Variants in IL21R observed in about 807,000 individuals in gnomAD.
IL21R encodes the protein interleukin-21 receptor.
Under a neutral mutation model 41.3 loss-of-function variants are expected in IL21R, and 14 were observed. The observed-to-expected ratio is 0.34, with a 90% CI of 0.22 to 0.53. IL21R has a LOEUF of 0.53. Among genes scored for constraint, IL21R ranks in the 20% least tolerant of loss-of-function variants. IL21R has a pLI of 0.94. For missense variants in IL21R, 588 were observed against 681.6 expected (o/e 0.86, Z 1.53); for synonymous variants, 286 against 287.6 (o/e 0.99, Z 0.05).
chr16:27,436,417 G>GGA (rs1297934730), intron 3 of IL21R, among the ~76,000 whole-genome samples: 1 of 152,198 alleles, frequency 6.6e-6, no homozygotes, highest in African/African-American at 2.4e-5. Flanking sequence ...CAGTGTGGCT[G>GGA]GAGTGGAGTG....
intron 4 of IL21R, among the ~76,000 whole-genome samples, chr16:27,442,056 G>T (rs2087396961): frequency 6.6e-6 from 1 of 152,174 alleles, no homozygotes; most frequent in African/African-American, 2.4e-5. Context: ...AATTCCAGGG[G>T]TCTCCCGTTT....
At chr16:27,440,238 T>G (rs1316817674) in intron 4 of IL21R, among the ~76,000 whole-genome samples, 21 of 87,972 alleles carry the variant, frequency 2.4e-4, no homozygotes, top group Middle Eastern at 5.2e-3. Flanking sequence ...TATATATATA[T>G]ATATATATAT....
At chr16:27,434,827 T>G (rs939315572) in intron 3 of IL21R, among the ~76,000 whole-genome samples, 4 of 152,180 alleles carry the variant, frequency 2.6e-5, no homozygotes. Flanking sequence ...GCAACTTGCC[T>G]AAGGTCACAC....
chr16:27,440,289 C>CGT (rs1231804756), intron 4 of IL21R, among the ~76,000 whole-genome samples: 3 of 120,888 alleles, frequency 2.5e-5, no homozygotes, highest in African/African-American at 1.1e-4. Flanking sequence ...AGCGAGCAAG[C>CGT]GCGCGCCAGG....
At chr16:27,432,383 G>A (rs898988752) in intron 2 of IL21R, among the ~76,000 whole-genome samples, 2 of 152,174 alleles carry the variant, frequency 1.3e-5, no homozygotes, top group South Asian at 4.1e-4. Context: ...ACTGCCTCCT[G>A]CACGCTTTCA....
In IL21R at chr16:27,442,773, A is replaced by G. The variant is rs2087412408; in HGVS notation, c.353-189A>G. 7.9e-6 allele frequency: 4 copies of G among 506,412 alleles called. No homozygotes were observed. The South Asian group carries it at 1.3e-4, about 16-fold the overall frequency. 31.4% of individuals were successfully genotyped at this position (506,412 alleles called of 1,614,324 possible). On this transcript the variant is annotated intron_variant, in intron 4 of 8. Coordinates refer to ENST00000337929, the MANE Select transcript of IL21R (RefSeq NM_181078.3). ...TCTAAATCTCCCAGGTCCCAGATGA[A>G]TAAACTGAAGCCCAGAGTTGGGAGT...
At chr16:27,405,427 GAGACCTCAGTAAATA>G (rs750401769) in intron 1 of IL21R, among the ~76,000 whole-genome samples, 15 of 152,218 alleles carry the variant, frequency 9.9e-5, no homozygotes, top group Non-Finnish European at 1.9e-4. Context: ...TGGCATATAT[GAGACCTCAGTAAATA>G]AGAGCTCTTA....
intron 1 of IL21R, among the ~76,000 whole-genome samples, chr16:27,419,394 A>C (rs1199815872): frequency 6.6e-6 from 1 of 152,132 alleles, no homozygotes; most frequent in Non-Finnish European, 1.5e-5. Flanking sequence ...TCCGGAATCC[A>C]TCCTGAAGGA....
intron 3 of IL21R, among the ~76,000 whole-genome samples, chr16:27,435,313 G>T (rs2141292023): frequency 6.6e-6 from 1 of 152,248 alleles, no homozygotes; most frequent in Non-Finnish European, 1.5e-5. Flanking sequence ...ACTGTTGCAG[G>T]CACTGGGGAT....
At chr16:27,445,864 A>T (rs2087466607) in intron 7 of IL21R, 143 bp from the exon 8 acceptor site, 1 of 548,030 alleles carries the variant, frequency 1.8e-6, no homozygotes, top group Non-Finnish European at 3.2e-6. Flanking sequence ...GGGGAAACCA[A>T]GCCCCAGGGA....
At chr16:27,438,375 G>A (rs911763784) in intron 4 of IL21R, among the ~76,000 whole-genome samples, 1 of 152,150 alleles carries the variant, frequency 6.6e-6, no homozygotes, top group Non-Finnish European at 1.5e-5. Flanking sequence ...GGTAGAGGGG[G>A]GTCCCAGGGG....
rs2087575889 is a variant in IL21R, at chr16:27,450,582, C to CA, written c.*1299_*1300insA. 5.5e-6 allele frequency: 1 copy of CA among 181,510 alleles called. No individual in the cohort carries two copies. The highest frequency in any genetic ancestry group is 1.1e-5 in the Non-Finnish European group (1 of 88,384). 11.2% of individuals were successfully genotyped at this position (181,510 alleles called of 1,614,324 possible). A position where few individuals can be genotyped will look rare whatever the true frequency, so the allele number is the denominator to read the frequency against. On this transcript the variant is annotated 3_prime_UTR_variant, in exon 9 of 9. Transcript: ENST00000337929. The stretch of plus-strand genomic sequence containing the variant: ...TATTTCTTAGCAACATTTTCTTTTT[C>CA]TTTTTTTTTTTTTTCTTTTGAGACA...
intron 2 of IL21R, among the ~76,000 whole-genome samples, 166 bp downstream of exon 2, chr16:27,430,286 A>G (rs2087148791): frequency 6.6e-6 from 1 of 152,250 alleles, no homozygotes; most frequent in African/African-American, 2.4e-5. Flanking sequence ...CCGGCTCTCC[A>G]CTAATCAGAA....
intron 1 of IL21R, among the ~76,000 whole-genome samples, chr16:27,413,277 T>C (rs1188350366): frequency 6.6e-6 from 1 of 152,148 alleles, no homozygotes; most frequent in Non-Finnish European, 1.5e-5. Flanking sequence ...TATCTGATTT[T>C]TGTAACTATC....
intron 1 of IL21R, among the ~76,000 whole-genome samples, chr16:27,412,770 T>C (rs1408005746): frequency 6.6e-6 from 1 of 152,176 alleles, no homozygotes; most frequent in Non-Finnish European, 1.5e-5. Context: ...AAGTTTCTTT[T>C]TGGATTGTCC....
chr16:27,418,067 TTATG>T (rs56983550), intron 1 of IL21R, among the ~76,000 whole-genome samples: 31,408 of 133,924 alleles, frequency 0.23, 4,213 homozygotes, highest in East Asian at 0.5. Context: ...TTTATTTTAT[TTATG>T]TTATTTTATT....
At chr16:27,423,877 A>C (rs959575313) in intron 1 of IL21R, among the ~76,000 whole-genome samples, 1 of 152,310 alleles carries the variant, frequency 6.6e-6, no homozygotes, top group African/African-American at 2.4e-5. Flanking sequence ...TAGGTAGGGC[A>C]TGTGTTCGCT....
Position 27,418,035 on chromosome 16 carries a change from AT to A in IL21R, c.-16-12017del, listed in dbSNP as rs1461382756. ...TATTTATTTTATTTTATTTTATTTT[AT>A]TTTATTTTATTTTATTTTATTTTAT... On this transcript the variant is annotated intron_variant, in intron 1 of 8. Transcript: ENST00000337929. 2.2e-5 allele frequency among the ~76,000 whole-genome samples: 3 copies of A among 135,370 alleles called. 1 individual carries two copies. Among genetic ancestry groups the A allele is most frequent in the Admixed American group, 1.5e-4 (2 of 13,012 alleles). 88.8% of individuals were successfully genotyped at this position (135,370 alleles called of 152,430 possible). A position where few individuals can be genotyped will look rare whatever the true frequency, so the allele number is the denominator to read the frequency against.
intron 1 of IL21R, among the ~76,000 whole-genome samples, chr16:27,413,493 A>G (rs2086850141): frequency 6.6e-6 from 1 of 151,274 alleles, no homozygotes; most frequent in Non-Finnish European, 1.5e-5. Context: ...CTACTGTTCA[A>G]TTTTTGGAAG....
Sources: allele counts gnomAD v4.1 joint callset (sites outside exome capture counted in the v4.1 genomes callset), GRCh38; gene constraint gnomAD v4.1.1; transcripts MANE v1.5; gene names NCBI Gene and HGNC (gene_info 2026-07-23, HGNC 2026-07-21).